The following YAE1 variants were observed in gnomAD, a reference collection of about 807,000 sequenced individuals.
YAE1 encodes the protein YAE1 maturation factor of ABCE1.
YAE1 carries 22 observed loss-of-function variants against 23.0 expected under a neutral mutation model. That is an observed-to-expected ratio of 0.96 (90% CI 0.68 to 1.37). YAE1 has a LOEUF of 1.37. Among genes scored for constraint, YAE1 ranks in the 40% most tolerant of loss-of-function variants. The pLI is 0.00. For missense variants in YAE1, 260 were observed against 262.1 expected, an observed-to-expected ratio of 0.99 and a Z score of 0.06; for synonymous variants, 101 against 97.0, an observed-to-expected ratio of 1.04 and a Z score of -0.24.
Position 39,572,416 on chromosome 7 carries a change from G to A in YAE1, c.391G>A (p.Val131Ile), listed in dbSNP as rs1790585127. The A allele has an allele frequency of 2.5e-6, 4 of 1,614,036 alleles. No homozygotes were observed. Among genetic ancestry groups the A allele is most frequent in the Non-Finnish European group, 3.4e-6 (4 of 1,179,994 alleles). ...LKSITPPSHVVDLLDSIEDMD... is the reference protein window; with the variant it reads ...LKSITPPSHVIDLLDSIEDMD... Reference sequence around the variant, plus strand: ...ATCAATCACTCCACCGTCCCATGTTGTAGATTTATTGGACTCCATTGAGGA... The same window carrying A: ...ATCAATCACTCCACCGTCCCATGTTATAGATTTATTGGACTCCATTGAGGA... The change falls in exon 3 of 3, where the codon GTA (valine) becomes ATA (isoleucine). Residue 131 changes from valine to isoleucine, a missense_variant. By Grantham distance (29) the Val-to-Ile change is conservative (BLOSUM62 3). Coordinates refer to ENST00000223273, the MANE Select transcript of YAE1 (RefSeq NM_020192.5).
intron 2 of YAE1, among the ~76,000 whole-genome samples, chr7:39,602,444 G>C (rs1311963284): frequency 3.3e-5 from 5 of 152,164 alleles, no homozygotes; most frequent in Non-Finnish European, 7.3e-5. Flanking sequence ...TGAAATGATG[G>C]ATTTCCGTGT....
downstream of YAE1, among the ~76,000 whole-genome samples, chr7:39,574,063 A>G (rs1790615963): frequency 6.6e-6 from 1 of 152,222 alleles, no homozygotes; most frequent in Non-Finnish European, 1.5e-5. Context: ...GCATATACAT[A>G]TGAAATACCT....
At chr7:39,584,415 C>CA (rs140092632) in intron 2 of YAE1, among the ~76,000 whole-genome samples, 2,489 of 152,276 alleles carry the variant, frequency 0.016, 66 homozygotes, top group African/African-American at 0.057. Flanking sequence ...TCATGACTTT[C>CA]AAATGCCCCA....
intron 2 of YAE1, among the ~76,000 whole-genome samples, chr7:39,598,105 CT>C (rs1351744962): frequency 1.3e-5 from 2 of 151,640 alleles, no homozygotes; most frequent in African/African-American, 4.8e-5. Context: ...CCACCATGCC[CT>C]GCCAAGTTTG....
chr7:39,570,191 G>A lies in YAE1; in HGVS notation c.130-315G>A, dbSNP rs1423673954. The A allele has an allele frequency of 1.6e-5, 11 of 670,358 alleles. No individual in the cohort carries two copies. The South Asian group carries it at 2.1e-4, about 13-fold the overall frequency. The allele number at this position is 670,358 out of a possible 1,614,324, so 41.5% of individuals were successfully genotyped here. A position where few individuals can be genotyped will look rare whatever the true frequency, so the allele number is the denominator to read the frequency against. On this transcript the variant is annotated intron_variant, in intron 1 of 2. Transcript: ENST00000223273. ...CAGCGGAACTGCAAGACTCCTGGAG[G>A]GTGCCATGTCTGCCGCTTGCCCACC...
chr7:39,571,551 T>A (rs142352625), intron 2 of YAE1, among the ~76,000 whole-genome samples: 2,561 of 152,304 alleles, frequency 0.017, 86 homozygotes, highest in African/African-American at 0.057. Flanking sequence ...GAATTTAGTC[T>A]GCTACAGTAG....
At position 39,566,468 on chromosome 7, in the gene YAE1, G is replaced by A. The variant is rs780917644; in HGVS notation, c.50G>A (p.Gly17Glu). ...TTGATCCAGGGCCCTGGAGACAAAGGGGACGTGTTTGACGAAGAAGCAGAC... is the reference window on the plus strand; with the variant it reads ...TTGATCCAGGGCCCTGGAGACAAAGAGGACGTGTTTGACGAAGAAGCAGAC... ...ASLIQGPGDKGDVFDEEADES... is the reference protein window; with the variant it reads ...ASLIQGPGDKEDVFDEEADES... Residue 17 changes from glycine (G) to glutamate (E), a missense_variant, in exon 1 of 3, where the codon GGG (glycine) becomes GAG (glutamate). Gly to Glu is a moderately conservative substitution (Grantham distance 98, BLOSUM62 -2). Coordinates refer to ENST00000223273, the MANE Select transcript of YAE1 (RefSeq NM_020192.5). 3.7e-6 allele frequency: 6 copies of A among 1,614,102 alleles called. No individual in the cohort carries two copies. The highest frequency in any genetic ancestry group is 2.7e-5 in the African/African-American group (2 of 74,948).
At chr7:39,594,228 A>G (rs781233245) in intron 2 of YAE1, among the ~76,000 whole-genome samples, 1 of 152,226 alleles carries the variant, frequency 6.6e-6, no homozygotes, top group East Asian at 1.9e-4. Flanking sequence ...ATTTCCAAGT[A>G]GATTTTATAT....
At chr7:39,577,462 G>A (rs1315161854), downstream of YAE1, among the ~76,000 whole-genome samples, 2 of 152,036 alleles carry the variant, frequency 1.3e-5, no homozygotes, top group South Asian at 2.1e-4. Context: ...GCGAGCCAGC[G>A]TGAGCTTCTG....
chr7:39,575,659 G>C (rs1790647785), downstream of YAE1, among the ~76,000 whole-genome samples: 1 of 151,936 alleles, frequency 6.6e-6, no homozygotes, highest in African/African-American at 2.4e-5. Context: ...CTGTCATGAA[G>C]ATACTTTACC....
intron 2 of YAE1, among the ~76,000 whole-genome samples, chr7:39,608,322 A>C (rs1791159161): frequency 6.6e-6 from 1 of 152,222 alleles, no homozygotes; most frequent in Non-Finnish European, 1.5e-5. Context: ...GACAATACAC[A>C]TGGCAAAGTT....
chr7:39,579,667 C>CAAA (rs70996816), intron 2 of YAE1, among the ~76,000 whole-genome samples: 171 of 140,384 alleles, frequency 1.2e-3, no homozygotes, highest in African/African-American at 3.6e-3. Flanking sequence ...GACTCTGTCT[C>CAAA]AAAAAAAAAA....
At chr7:39,606,231 G>A (rs562454165) in intron 2 of YAE1, among the ~76,000 whole-genome samples, 1 of 152,038 alleles carries the variant, frequency 6.6e-6, no homozygotes. Context: ...TAGAATAGAA[G>A]GAACAGAGTT....
chr7:39,581,865 C>CA (rs1272481403), intron 2 of YAE1, among the ~76,000 whole-genome samples: 1 of 151,092 alleles, frequency 6.6e-6, no homozygotes. Context: ...GAGTGAGACC[C>CA]AGTCTCAAAA....
At chr7:39,603,407 G>A (rs1301735371) in intron 2 of YAE1, among the ~76,000 whole-genome samples, 5 of 152,130 alleles carry the variant, frequency 3.3e-5, no homozygotes, top group African/African-American at 1.2e-4. Flanking sequence ...CAAAGTTCTG[G>A]GATTACAGGT....
rs753186064 is a variant in YAE1, at chr7:39,579,760, A to T, written c.251+9133A>T. On this transcript the variant is annotated intron_variant, in intron 2 of 2. Transcript: ENST00000432096. ...ATTTTAAAAATGTATGTAATAGCCG[A>T]GCTACGTGTCTATAGCTCACACCTA... Among the ~76,000 whole-genome samples the T allele has an allele frequency of 2.6e-5, 4 of 152,088 alleles. No homozygotes were observed. The South Asian group carries it at 8.3e-4, about 32-fold the overall frequency.
chr7:39,590,151 A>G (rs1054633319), intron 2 of YAE1, among the ~76,000 whole-genome samples: 1 of 152,252 alleles, frequency 6.6e-6, no homozygotes, highest in African/African-American at 2.4e-5. Context: ...CTATATATTA[A>G]GTATTTAGTA....
intron 2 of YAE1, among the ~76,000 whole-genome samples, chr7:39,594,607 A>AT (rs112916357): frequency 0.11 from 15,671 of 144,148 alleles, 1,956 homozygotes; most frequent in African/African-American, 0.31. Context: ...GTAGAACCTC[A>AT]TTTTTTTTTT....
downstream of YAE1, among the ~76,000 whole-genome samples, chr7:39,610,938 G>A (rs1325081103): frequency 1.3e-5 from 2 of 152,066 alleles, no homozygotes; most frequent in Non-Finnish European, 2.9e-5. Context: ...ATCGCTTGAG[G>A]AGAGTTCGTG....
Sources: gnomAD v4.1 joint callset for allele counts (sites outside exome capture counted in the v4.1 genomes callset) on GRCh38, gnomAD v4.1.1 for gene constraint, MANE v1.5 for transcripts, NCBI Gene and HGNC (gene_info 2026-07-23, HGNC 2026-07-21) for gene names.